The following DMD variants were observed in gnomAD, a reference collection of about 807,000 sequenced individuals.
DMD encodes the protein mutant dystrophin.
In DMD, 63 loss-of-function variants were observed where a neutral mutation model predicts 330.1. The observed-to-expected ratio is 0.19, with a 90% CI of 0.16 to 0.24. The LOEUF (loss-of-function observed/expected upper bound fraction) is 0.24. DMD is among the 10% of genes least tolerant of loss of function. The pLI is 1.00. For missense variants in DMD, 3,344 were observed against 2,684.1 expected (o/e 1.25, Z -5.43); for synonymous variants, 1,223 against 959.8 (o/e 1.27, Z -5.07).
chrX:32,437,934 G>A (rs893208574), intron 29 of DMD, among the ~76,000 whole-genome samples: 12 of 112,163 alleles, frequency 1.1e-4, no homozygotes, highest in African/African-American at 3.6e-4. Flanking sequence ...AATAAAATGA[G>A]ACAGCGAGAG....
chrX:31,309,580 A>T (rs973551619), intron 62 of DMD, among the ~76,000 whole-genome samples: 1 of 111,738 alleles, frequency 8.9e-6, no homozygotes, highest in Non-Finnish European at 1.9e-5. Flanking sequence ...TTTGGATCTC[A>T]CATCAGACTC....
intron 41 of DMD, among the ~76,000 whole-genome samples, chrX:32,341,781 T>A (rs1317127708): frequency 1.8e-5 from 2 of 111,817 alleles, no homozygotes; most frequent in Non-Finnish European, 3.8e-5. Context: ...GACATTGAAG[T>A]AAAGTGAATG....
At chrX:32,053,022 A>G (rs1363538632) in intron 44 of DMD, among the ~76,000 whole-genome samples, 1 of 111,692 alleles carries the variant, frequency 9.0e-6, no homozygotes. Flanking sequence ...TTTCCTGAAG[A>G]GTCTTTCCCC....
chrX:32,771,776 C>A (rs1176961455), intron 7 of DMD, among the ~76,000 whole-genome samples: 1 of 111,871 alleles, frequency 8.9e-6, no homozygotes, highest in East Asian at 2.8e-4. Flanking sequence ...ATCCAAGTGA[C>A]ATGCTCAAAC....
chrX:33,090,414 A>G (rs1264651111), intron 1 of DMD, among the ~76,000 whole-genome samples: 5 of 107,924 alleles, frequency 4.6e-5, no homozygotes, highest in Non-Finnish European at 7.6e-5. Flanking sequence ...TATATATTAT[A>G]TATAACTCGA....
chrX:31,125,194 T>C (rs1393592678), intron 78 of DMD, among the ~76,000 whole-genome samples: 2 of 111,842 alleles, frequency 1.8e-5, no homozygotes, highest in Non-Finnish European at 3.8e-5. Context: ...GAATAAATTT[T>C]AAGGGGCACT....
chrX:31,327,160 C>T lies in DMD; in HGVS notation c.9164-3502G>A, dbSNP rs948057902. ...AATGTACAAATCAACCATTATCATACGGCACCAGCATCATGGGGTATTGTC... is the reference window on the plus strand; with the variant it reads ...AATGTACAAATCAACCATTATCATATGGCACCAGCATCATGGGGTATTGTC... On this transcript the variant is annotated intron_variant, in intron 61 of 78. Coordinates refer to ENST00000357033, the MANE Select transcript of DMD (RefSeq NM_004006.3). 1.4e-4 allele frequency among the ~76,000 whole-genome samples: 16 copies of T among 112,290 alleles called. No individual in the cohort carries two copies. In the South Asian group the frequency reaches 1.5e-3, roughly 10 times the overall value.
At chrX:32,310,372 T>C in intron 41 of DMD, 96 bp from the exon 42 acceptor site, 1 of 704,520 alleles carries the variant, frequency 1.4e-6, no homozygotes, top group Non-Finnish European at 2.2e-6. Flanking sequence ...CAGCTGACAA[T>C]TGAATCTACA....
At chrX:32,967,579 C>T (rs1017135910) in intron 2 of DMD, among the ~76,000 whole-genome samples, 6 of 111,323 alleles carry the variant, frequency 5.4e-5, no homozygotes, top group African/African-American at 2.0e-4. Context: ...GCCTTCCCCG[C>T]AGTGGCAAAC....
intron 4 of DMD, among the ~76,000 whole-genome samples, chrX:32,832,576 C>T (rs1311099689): frequency 9.0e-6 from 1 of 111,316 alleles, no homozygotes; most frequent in Non-Finnish European, 1.9e-5. Flanking sequence ...AAAGACTTCT[C>T]CATATTCAAG....
At chrX:31,315,478 T>G (rs1169707465) in intron 62 of DMD, among the ~76,000 whole-genome samples, 1 of 112,560 alleles carries the variant, frequency 8.9e-6, no homozygotes, top group African/African-American at 3.2e-5. Context: ...TGACTACTGG[T>G]TTTTTTCTAA....
At chrX:32,252,072 T>G (rs1448082705) in intron 43 of DMD, among the ~76,000 whole-genome samples, 1 of 112,016 alleles carries the variant, frequency 8.9e-6, no homozygotes, top group African/African-American at 3.2e-5. Context: ...TGCACTTAGA[T>G]AAAATCTATA....
intron 9 of DMD, among the ~76,000 whole-genome samples, chrX:32,681,665 C>T (rs192677915): frequency 1.4e-4 from 16 of 111,701 alleles, no homozygotes; most frequent in Non-Finnish European, 3.0e-4. Context: ...ATAAAAGAAA[C>T]GTGATGCTTT....
chrX:32,063,186 T>TC (rs2096239316), intron 44 of DMD, among the ~76,000 whole-genome samples: 1 of 54,442 alleles, frequency 1.8e-5, no homozygotes, highest in Admixed American at 2.1e-4. Flanking sequence ...TAAGTATGTC[T>TC]AACACACACA....
Position 31,266,002 on chromosome X carries a change from C to G in DMD, c.9225-4986G>C, listed in dbSNP as rs1382954968. Among the ~76,000 whole-genome samples the G allele has an allele frequency of 7.4e-5, 8 of 108,309 alleles. No homozygotes were observed. The Admixed American group carries it at 7.9e-4, about 11-fold the overall frequency. The allele number at this position is 108,309 out of a possible 115,157, so 94.1% of individuals were successfully genotyped here. On this transcript the variant is annotated intron_variant, in intron 62 of 78. Coordinates refer to ENST00000357033, the MANE Select transcript of DMD (RefSeq NM_004006.3). ...AACCCCTTCAATTTAAAGCTTCAAA[C>G]TTAACTTCAAATTTGACTAATATAA...
intron 1 of DMD, among the ~76,000 whole-genome samples, chrX:33,094,381 A>G (rs1434320761): frequency 1.8e-5 from 2 of 112,232 alleles, no homozygotes; most frequent in African/African-American, 6.5e-5. Context: ...TTAAGAAAAA[A>G]GAGCCAGAGA....
At chrX:31,618,570 G>C (rs1228990420) in intron 55 of DMD, among the ~76,000 whole-genome samples, 1 of 111,863 alleles carries the variant, frequency 8.9e-6, no homozygotes, top group Non-Finnish European at 1.9e-5. Flanking sequence ...GCTTGCTTTT[G>C]GTGATCTTGG....
At chrX:31,591,744 A>G (rs2148130017) in intron 55 of DMD, among the ~76,000 whole-genome samples, 1 of 111,658 alleles carries the variant, frequency 9.0e-6, no homozygotes, top group East Asian at 2.8e-4. Context: ...TCTTTGAATT[A>G]ACTCATTTTA....
At chrX:32,848,386 C>G (rs772187287) in intron 3 of DMD, among the ~76,000 whole-genome samples, 1 of 111,842 alleles carries the variant, frequency 8.9e-6, no homozygotes, top group South Asian at 3.8e-4. Flanking sequence ...ACACACAAAT[C>G]TATCTCTAAC....
Sources: gnomAD v4.1 joint callset for allele counts (sites outside exome capture counted in the v4.1 genomes callset) on GRCh38, gnomAD v4.1.1 for gene constraint, MANE v1.5 for transcripts, NCBI Gene and HGNC (gene_info 2026-07-23, HGNC 2026-07-21) for gene names.